Variants in ZFAND3 observed in about 807,000 individuals in gnomAD.
ZFAND3 encodes the protein AN1-type zinc finger protein 3.
In ZFAND3, 10 loss-of-function variants were observed where a neutral mutation model predicts 29.6. The ratio of observed to expected loss-of-function variants is 0.34; its 90% CI spans 0.21 to 0.57. ZFAND3 has a LOEUF of 0.57. Ranked by LOEUF, ZFAND3 falls within the 20% of genes least tolerant of loss-of-function variation. The probability of loss-of-function intolerance (pLI) is 0.86; values close to 1 mark genes in which losing one functional copy is unlikely to be tolerated. For missense variants in ZFAND3, 230 were observed against 304.5 expected (o/e 0.76, Z 1.82); for synonymous variants, 128 against 112.6 (o/e 1.14, Z -0.87).
At chr6:38,095,556 C>T (rs1034869224) in intron 4 of ZFAND3, among the ~76,000 whole-genome samples, 1 of 152,182 alleles carries the variant, frequency 6.6e-6, no homozygotes, top group Non-Finnish European at 1.5e-5. Context: ...GAACTAGATT[C>T]TGTAAGCCCG....
intron 4 of ZFAND3, among the ~76,000 whole-genome samples, chr6:38,102,100 C>T (rs1311260800): frequency 6.6e-6 from 1 of 152,074 alleles, no homozygotes; most frequent in Non-Finnish European, 1.5e-5. Context: ...TCTTCTTCCT[C>T]CTCCTCTTCT....
chr6:38,134,080 T>C (rs994598937), intron 5 of ZFAND3, among the ~76,000 whole-genome samples: 1 of 152,214 alleles, frequency 6.6e-6, no homozygotes, highest in Admixed American at 6.5e-5. Context: ...GATGGGGTAA[T>C]GAGTCATCCA....
intron 1 of ZFAND3, among the ~76,000 whole-genome samples, chr6:37,912,967 G>A (rs34254045): frequency 0.22 from 33,082 of 152,086 alleles, 4,482 homozygotes; most frequent in African/African-American, 0.37. Context: ...CCATACTGCA[G>A]TCTGTTAAAT....
At chr6:38,115,993 T>C (rs927391238) in intron 4 of ZFAND3, among the ~76,000 whole-genome samples, 1 of 152,228 alleles carries the variant, frequency 6.6e-6, no homozygotes, top group African/African-American at 2.4e-5. Flanking sequence ...CAAATTGAAC[T>C]AATTGTCAGT....
intron 4 of ZFAND3, among the ~76,000 whole-genome samples, chr6:38,086,992 T>C (rs770146273): frequency 9.2e-5 from 14 of 152,054 alleles, no homozygotes; most frequent in Non-Finnish European, 1.8e-4. Context: ...TAAAAAGATA[T>C]GTAGACCAAT....
chr6:38,061,476 C>T, intron 2 of ZFAND3, 117 bp from the exon 3 acceptor site: 1 of 1,244,344 alleles, frequency 8.0e-7, no homozygotes. Flanking sequence ...TTTAGTCACC[C>T]AGATCAGTCT....
At chr6:37,975,556 T>C (rs1762463458) in intron 2 of ZFAND3, among the ~76,000 whole-genome samples, 1 of 152,152 alleles carries the variant, frequency 6.6e-6, no homozygotes, top group South Asian at 2.1e-4. Context: ...GGGTTTATAT[T>C]TATACTGATG....
At chr6:38,086,846 A>G (rs9470767) in intron 4 of ZFAND3, among the ~76,000 whole-genome samples, 56,147 of 152,090 alleles carry the variant, frequency 0.37, 11,147 homozygotes, top group East Asian at 0.57. Flanking sequence ...AAAATCCTAA[A>G]ATTTATATGG....
intron 4 of ZFAND3, among the ~76,000 whole-genome samples, chr6:38,094,079 T>C (rs562079993): frequency 2.0e-5 from 3 of 152,252 alleles, no homozygotes; most frequent in African/African-American, 7.2e-5. Context: ...GAGTAGATAG[T>C]TAGCTGAGAC....
chr6:38,084,492 T>C, intron 4 of ZFAND3, among the ~76,000 whole-genome samples: 1 of 152,210 alleles, frequency 6.6e-6, no homozygotes, highest in East Asian at 1.9e-4. Context: ...ATCTTTATAG[T>C]GAGCACCCAT....
chr6:38,017,199 GA>G (rs1763266356), intron 2 of ZFAND3, among the ~76,000 whole-genome samples: 2 of 152,212 alleles, frequency 1.3e-5, no homozygotes, highest in South Asian at 2.1e-4. Context: ...GGTAGAAATG[GA>G]GCATCTTCAT....
chr6:38,154,378 G>A lies in ZFAND3; in HGVS notation c.*1989G>A, dbSNP rs916423774. The A allele has an allele frequency of 1.4e-6, 1 of 718,970 alleles. No homozygotes were observed. The highest frequency in any genetic ancestry group is 6.3e-5 in the Admixed American group (1 of 15,794). The allele number at this position is 718,970 out of a possible 1,614,324, so 44.5% of individuals were successfully genotyped here. ...TTCGCTTCCTGACTTAGAGCTGGGGGGGGTGGGGGGTGGGGCTTGTTCCCC... is the reference window on the plus strand; with the variant it reads ...TTCGCTTCCTGACTTAGAGCTGGGGAGGGTGGGGGGTGGGGCTTGTTCCCC... On this transcript the variant is annotated 3_prime_UTR_variant, in exon 6 of 6. Coordinates refer to ENST00000287218, the MANE Select transcript of ZFAND3 (RefSeq NM_021943.3).
At chr6:38,047,418 T>C (rs545258103) in intron 2 of ZFAND3, among the ~76,000 whole-genome samples, 9 of 152,312 alleles carry the variant, frequency 5.9e-5, no homozygotes, top group African/African-American at 1.9e-4. Context: ...GAATATAGTA[T>C]CTTTATTCCT....
At chr6:37,860,668 A>G (rs1286897963) in intron 1 of ZFAND3, among the ~76,000 whole-genome samples, 1 of 120,002 alleles carries the variant, frequency 8.3e-6, no homozygotes, top group Non-Finnish European at 1.7e-5. Flanking sequence ...AAGTAGGTTT[A>G]GATTTTAGTT....
intron 4 of ZFAND3, among the ~76,000 whole-genome samples, chr6:38,105,213 C>A (rs891631517): frequency 8.5e-5 from 13 of 152,108 alleles, no homozygotes; most frequent in African/African-American, 3.1e-4. Context: ...TCTCTTTTGT[C>A]ATATCCACCT....
At chr6:38,103,429 A>C (rs55972258) in intron 4 of ZFAND3, among the ~76,000 whole-genome samples, 31 of 72,332 alleles carry the variant, frequency 4.3e-4, no homozygotes, top group African/African-American at 6.6e-4. Context: ...ACACACACAT[A>C]TATATACACG....
chr6:38,142,574 G>A (rs535912769), intron 5 of ZFAND3, among the ~76,000 whole-genome samples: 194 of 152,328 alleles, frequency 1.3e-3, no homozygotes, highest in African/African-American at 4.5e-3. Context: ...TAAAGGATTG[G>A]GAAATGCTGA....
At chr6:37,967,108 G>A (rs1762306790) in intron 2 of ZFAND3, among the ~76,000 whole-genome samples, 1 of 152,266 alleles carries the variant, frequency 6.6e-6, no homozygotes, top group South Asian at 2.1e-4. Context: ...CTTTAGTACT[G>A]TAAAGTTACT....
intron 1 of ZFAND3, among the ~76,000 whole-genome samples, chr6:37,857,365 G>A (rs1487027283): frequency 2.0e-5 from 3 of 151,972 alleles, no homozygotes; most frequent in East Asian, 3.8e-4. Context: ...CAAATGAAGC[G>A]AATACAAGTG....
Sources: allele counts gnomAD v4.1 joint callset (sites outside exome capture counted in the v4.1 genomes callset), GRCh38; gene constraint gnomAD v4.1.1; transcripts MANE v1.5; gene names NCBI Gene and HGNC (gene_info 2026-07-23, HGNC 2026-07-21).